ZNF469: variants seen among roughly 807,000 people sequenced by gnomAD.
ZNF469 encodes the protein zinc finger protein 469.
A neutral mutation model predicts 1.0 loss-of-function variants in ZNF469; 1 was observed. The ratio of observed to expected loss-of-function variants is 1.00; its 90% CI spans 0.35 to 4.73. The LOEUF (loss-of-function observed/expected upper bound fraction) is 4.73. ZNF469 is among the 30% of genes most tolerant of loss of function. The probability of loss-of-function intolerance (pLI) is 0.16; values close to 1 mark genes in which losing one functional copy is unlikely to be tolerated. For synonymous variants in ZNF469, 2,703 were observed against 2,363.4 expected (o/e 1.14, Z -4.17); for missense variants, 6,100 against 5,356.3 (o/e 1.14, Z -4.33).
chr16:88,176,657 T>C, the ZNF469 span, among the ~76,000 whole-genome samples: 1 of 152,314 alleles, frequency 6.6e-6, no homozygotes, highest in South Asian at 2.1e-4. Context: ...GGGGAAGTTG[T>C]TATCATGATG....
the ZNF469 span, among the ~76,000 whole-genome samples, chr16:88,136,097 C>T: frequency 6.6e-6 from 1 of 152,122 alleles, no homozygotes; most frequent in Non-Finnish European, 1.5e-5. Flanking sequence ...GGACAAAGGT[C>T]CCCCAGTTGT....
At chr16:88,357,012 G>A in the ZNF469 span, among the ~76,000 whole-genome samples, 1 of 152,236 alleles carries the variant, frequency 6.6e-6, no homozygotes, top group East Asian at 1.9e-4. Flanking sequence ...CAATGCTTGT[G>A]GGGGAGCTGC....
chr16:88,162,581 TAA>T, the ZNF469 span, among the ~76,000 whole-genome samples: 2 of 152,228 alleles, frequency 1.3e-5, no homozygotes, highest in African/African-American at 4.8e-5. Context: ...AACTGTTTTA[TAA>T]GTCTGCCAAT....
the ZNF469 span, among the ~76,000 whole-genome samples, chr16:88,164,338 G>T: frequency 2.6e-5 from 4 of 152,028 alleles, no homozygotes; most frequent in African/African-American, 9.7e-5. Flanking sequence ...AGATGGATGG[G>T]TGGATGTATA....
chr16:88,408,262 C>T (rs1461081147), intron 1 of ZNF469, among the ~76,000 whole-genome samples: 1 of 152,256 alleles, frequency 6.6e-6, no homozygotes, highest in Non-Finnish European at 1.5e-5. Flanking sequence ...GAGCAATTCT[C>T]CTGCCTCAGC....
At chr16:88,243,952 A>ATATATATAT in the ZNF469 span, among the ~76,000 whole-genome samples, 1 of 121,200 alleles carries the variant, frequency 8.3e-6, no homozygotes, top group Non-Finnish European at 1.7e-5. Context: ...ATATATATAT[A>ATATATATAT]AATGTATGTG....
At chr16:88,270,615 G>A in the ZNF469 span, among the ~76,000 whole-genome samples, 12 of 152,288 alleles carry the variant, frequency 7.9e-5, no homozygotes, top group South Asian at 8.3e-4. Flanking sequence ...TACCATACTC[G>A]ATGCTTCACA....
chr16:88,279,061 T>A, the ZNF469 span, among the ~76,000 whole-genome samples: 1 of 151,692 alleles, frequency 6.6e-6, no homozygotes, highest in African/African-American at 2.4e-5. Flanking sequence ...TGTGTAGATA[T>A]CAGTGCATGG....
chr16:88,304,106 G>A, the ZNF469 span, among the ~76,000 whole-genome samples: 2 of 152,228 alleles, frequency 1.3e-5, no homozygotes, highest in Non-Finnish European at 2.9e-5. Flanking sequence ...AGGAGGACTT[G>A]CTGGCCTTTG....
In ZNF469 at chr16:88,431,303, C is replaced by G; in HGVS notation, c.3833C>G (p.Pro1278Arg). The G allele has an allele frequency of 1.3e-6, 2 of 1,550,084 alleles. No individual in the cohort carries two copies. The highest frequency in any genetic ancestry group is 1.7e-6 in the Non-Finnish European group (2 of 1,146,838). The change falls in exon 3 of 3, where the codon CCC (proline) becomes CGC (arginine). Residue 1278 changes from proline to arginine, a missense_variant. By Grantham distance (103) the Pro-to-Arg change is moderately radical. Coordinates refer to ENST00000565624, the MANE Select transcript of ZNF469 (RefSeq NM_001367624.2). ...CCCAGCAGACATGACACCGGCACCC[C>G]CAAGCCGTCGGGAAGCCTCGCCAAC... ...PPPSRHDTGT[P>R]KPSGSLANTA... is the part of the protein sequence containing the mutation.
chr16:88,184,172 G>A, the ZNF469 span, among the ~76,000 whole-genome samples: 1 of 152,076 alleles, frequency 6.6e-6, no homozygotes, highest in Non-Finnish European at 1.5e-5. Context: ...AGAGCCTCAC[G>A]TGGCTGGGAC....
At chr16:88,111,086 A>G in the ZNF469 span, among the ~76,000 whole-genome samples, 1 of 152,164 alleles carries the variant, frequency 6.6e-6, no homozygotes, top group Non-Finnish European at 1.5e-5. Context: ...GGCCGGTGCG[A>G]CTTCCCAAAC....
At chr16:88,161,832 G>A in the ZNF469 span, among the ~76,000 whole-genome samples, 2 of 152,214 alleles carry the variant, frequency 1.3e-5, no homozygotes, top group African/African-American at 2.4e-5. Flanking sequence ...GACTTGGCGT[G>A]CAGTGTTACA....
upstream of ZNF469, among the ~76,000 whole-genome samples, chr16:88,381,424 T>A (rs200938665): frequency 1.2e-4 from 18 of 151,166 alleles, no homozygotes; most frequent in South Asian, 1.0e-3. Context: ...ATGCACTCTC[T>A]CACACACACA....
the ZNF469 span, among the ~76,000 whole-genome samples, chr16:88,308,625 T>C: frequency 1.3e-5 from 2 of 152,132 alleles, no homozygotes; most frequent in African/African-American, 2.4e-5. Context: ...CACTGCTGCA[T>C]TCCTGGTGCC....
the ZNF469 span, among the ~76,000 whole-genome samples, chr16:88,103,844 G>T: frequency 6.7e-6 from 1 of 149,908 alleles, no homozygotes; most frequent in Non-Finnish European, 1.5e-5. Context: ...ATAATCCTCC[G>T]TGGCACGGAG....
At chr16:88,155,638 C>T in the ZNF469 span, among the ~76,000 whole-genome samples, 1 of 152,336 alleles carries the variant, frequency 6.6e-6, no homozygotes, top group Non-Finnish European at 1.5e-5. Flanking sequence ...ACCAGAACCC[C>T]ATTCCTTTGT....
At chr16:88,259,391 G>C in the ZNF469 span, among the ~76,000 whole-genome samples, 1 of 152,184 alleles carries the variant, frequency 6.6e-6, no homozygotes, top group African/African-American at 2.4e-5. The surrounding 1 kb of genome is among the most constrained non-coding windows in gnomAD (Gnocchi z 4.1). Context: ...CAAAACCGCC[G>C]TTGTTTCCAG....
chr16:88,224,519 G>C, the ZNF469 span, among the ~76,000 whole-genome samples: 21 of 152,326 alleles, frequency 1.4e-4, no homozygotes, highest in East Asian at 3.7e-3. Flanking sequence ...TTGGGGGCTG[G>C]CCTGGGTGTG....
Sources: gnomAD v4.1 joint callset for allele counts (sites outside exome capture counted in the v4.1 genomes callset) on GRCh38, gnomAD v4.1.1 for gene constraint, Gnocchi (gnomAD v3.1) non-coding constraint, MANE v1.5 for transcripts, NCBI Gene and HGNC (gene_info 2026-07-23, HGNC 2026-07-21) for gene names.